The following CELA1 variants were observed in gnomAD, a reference collection of about 807,000 sequenced individuals.
CELA1 encodes chymotrypsin like elastase 1.
In CELA1, 28 loss-of-function variants were observed where a neutral mutation model predicts 34.8. The observed-to-expected ratio is 0.80, with a 90% CI of 0.60 to 1.10. The LOEUF (loss-of-function observed/expected upper bound fraction) is 1.10, where lower values mean the gene tolerates loss of function less well. Among genes scored for constraint, CELA1 ranks in the 50% least tolerant of loss-of-function variants. The pLI is 0.00. For missense variants in CELA1, 288 were observed against 327.5 expected, an observed-to-expected ratio of 0.88 and a Z score of 0.93; for synonymous variants, 140 against 129.8, an observed-to-expected ratio of 1.08 and a Z score of -0.53.
chr12:51,345,818 C>T lies in CELA1; in HGVS notation c.76G>A (p.Gly26Arg), dbSNP rs200914206. Residue 26 changes from glycine (G) to arginine (R), a missense_variant, in exon 2 of 8, where the codon GGG becomes AGG. Gly to Arg is a moderately radical substitution (Grantham distance 125). Coordinates refer to ENST00000293636, the MANE Select transcript of CELA1 (RefSeq NM_001971.6). Reference protein sequence around the residue: ...NARVVGGTEAGRNSWPSQISL... With the variant: ...NARVVGGTEARRNSWPSQISL... The stretch of plus-strand genomic sequence containing the variant: ...ACCTGAGAGGGCCAGGAATTCCTCC[C>T]GGCCTCAGTCCCTCCGACTACGCGG... 304 of 1,557,746 alleles carry T rather than the reference C, an allele frequency of 2.0e-4. 1 individual carries two copies. The East Asian group carries it at 2.3e-3, about 12-fold the overall frequency.
chr12:51,339,877 C>T lies in CELA1; in HGVS notation c.592G>A (p.Val198Ile), dbSNP rs373736581. 2.5e-6 allele frequency: 4 copies of T among 1,613,638 alleles called. No homozygotes were observed. Among genetic ancestry groups the T allele is most frequent in the Non-Finnish European group, 3.4e-6 (4 of 1,179,822 alleles). The stretch of plus-strand genomic sequence containing the variant: ...ATGTTCACCTGGCATCCAGAGCGAA[C>T]TCCATCTCCACCAGCACACACCATG... ...NTMVCAGGDGVRSGCQGDSGG... is the reference protein window; with the variant it reads ...NTMVCAGGDGIRSGCQGDSGG... The change falls in exon 6 of 8, where the codon GTT becomes ATT. Residue 198 changes from valine to isoleucine, a missense_variant. Physicochemically the swap from Val to Ile is conservative, Grantham distance 29 (BLOSUM62 3). Transcript: ENST00000293636.
chr12:51,329,771 G>T lies in CELA1; in HGVS notation c.672C>A (p.Thr224=). The T allele has an allele frequency of 2.5e-6, 4 of 1,613,946 alleles. No homozygotes were observed. The highest frequency in any genetic ancestry group is 3.4e-6 in the Non-Finnish European group (4 of 1,179,972). The change falls in exon 7 of 8, where the codon ACC becomes ACA. Residue 224 remains threonine, a synonymous_variant. Transcript: ENST00000293636. The stretch of plus-strand genomic sequence containing the variant: ...TACAGCCCCGGCTGGACACAAAGCT[G>T]GTCACTCCATGGACAGAATACTTGC... ...VNGKYSVHGV[T]SFVSSRGCNV...
chr12:51,329,668 A>G lies in CELA1; in HGVS notation c.759+16T>C, dbSNP rs746028977. 1.9e-6 allele frequency: 3 copies of G among 1,598,300 alleles called. No homozygotes were observed. Among genetic ancestry groups the G allele is most frequent in the East Asian group, 2.2e-5 (1 of 44,574 alleles). The stretch of plus-strand genomic sequence containing the variant: ...CCAGGTGACCCCATTTCAACCCATC[A>G]TTTGAGAGGACTCACATTATTTATC... On this transcript the variant is annotated intron_variant, in intron 7 of 7. Transcript: ENST00000293636.
At chr12:51,328,683 G>T in intron 7 of CELA1, 89 bp from the exon 8 acceptor site, 1 of 1,465,750 alleles carries the variant, frequency 6.8e-7, no homozygotes, top group Non-Finnish European at 9.6e-7. Context: ...GTATGGTTTT[G>T]TACTGGGTTT....
intron 5 of CELA1, among the ~76,000 whole-genome samples, chr12:51,340,258 C>T (rs1159619814): frequency 6.6e-6 from 1 of 152,154 alleles, no homozygotes; most frequent in Non-Finnish European, 1.5e-5. Flanking sequence ...CTTCTTTTCA[C>T]TCGTGGATAA....
intron 1 of CELA1, among the ~76,000 whole-genome samples, chr12:51,346,092 A>G (rs1038046947): frequency 5.9e-5 from 9 of 151,528 alleles, no homozygotes; most frequent in African/African-American, 2.2e-4. Context: ...TGTTCCCAGA[A>G]CTCCGGCATG....
chr12:51,344,430 C>T (rs555681607), intron 2 of CELA1, among the ~76,000 whole-genome samples: 2 of 152,334 alleles, frequency 1.3e-5, no homozygotes, highest in South Asian at 4.1e-4. Flanking sequence ...CCATGGCTCA[C>T]GCCTGTGATC....
At chr12:51,329,984 A>G (rs1946460533) in intron 6 of CELA1, 151 bp from the exon 7 acceptor site, 3 of 617,310 alleles carry the variant, frequency 4.9e-6, no homozygotes, top group Non-Finnish European at 5.4e-6. Flanking sequence ...AATCAAAATG[A>G]ATCTCTTCTT....
chr12:51,332,063 T>C (rs1337469287), intron 6 of CELA1, among the ~76,000 whole-genome samples: 3 of 151,958 alleles, frequency 2.0e-5, no homozygotes, highest in African/African-American at 7.3e-5. Flanking sequence ...CATGTGCCTG[T>C]AGTCCTGGCT....
rs1294182130 is a variant in CELA1, at chr12:51,339,869, A to G, written c.600T>C (p.Ser200=). The G allele has an allele frequency of 4.3e-6, 7 of 1,612,962 alleles. No individual in the cohort carries two copies. The highest frequency in any genetic ancestry group is 3.3e-5 in the Admixed American group (2 of 59,946). ...MVCAGGDGVR[S]GCQGDSGGPL... is the part of the protein sequence containing the mutation. ...CCCTGCAAATGTTCACCTGGCATCCAGAGCGAACTCCATCTCCACCAGCAC... is the reference window on the plus strand; with the variant it reads ...CCCTGCAAATGTTCACCTGGCATCCGGAGCGAACTCCATCTCCACCAGCAC... Residue 200 remains serine, a synonymous_variant, in exon 6 of 8, where the codon TCT becomes TCC. Transcript: ENST00000293636.
Position 51,344,761 on chromosome 12 carries a change from G to A in CELA1, c.100-908C>T, listed in dbSNP as rs770286473. ...CCATCACCTAAGCCCAACAGGCTTA[G>A]GTCTCCAGAGCTGTACCTTTAGTGT... On this transcript the variant is annotated intron_variant, in intron 2 of 7. Transcript: ENST00000293636. Among the ~76,000 whole-genome samples the A allele has an allele frequency of 2.6e-4, 39 of 152,246 alleles. 1 individual carries two copies. The highest frequency in any genetic ancestry group is 2.0e-4 in the Admixed American group (3 of 15,290).
rs559012380 is a variant in CELA1, at chr12:51,331,161, G to A, written c.610-1328C>T. ...TCCCAGCACTTTGGGAGGCTGAGGC[G>A]GGCGGATCACCTGAGGTCAGGAGTT... On this transcript the variant is annotated intron_variant, in intron 6 of 7. Transcript: ENST00000293636. Among the ~76,000 whole-genome samples, 424 of 151,836 alleles carry A rather than the reference G, an allele frequency of 2.8e-3. 3 individuals are homozygous for A. Among genetic ancestry groups the A allele is most frequent in the Middle Eastern group, 0.01 (3 of 292 alleles).
chr12:51,338,697 A>G (rs990712485), intron 6 of CELA1, among the ~76,000 whole-genome samples: 2 of 152,146 alleles, frequency 1.3e-5, no homozygotes, highest in African/African-American at 4.8e-5. Context: ...ACAATGTTCT[A>G]TTGTATGTCT....
At chr12:51,337,651 T>C (rs937656306) in intron 6 of CELA1, among the ~76,000 whole-genome samples, 1 of 151,574 alleles carries the variant, frequency 6.6e-6, no homozygotes, top group African/African-American at 2.4e-5. Context: ...ATATTCTTCA[T>C]GTGTCATGAC....
At position 51,341,381 on chromosome 12, in the gene CELA1, C is replaced by A. The variant is rs1052301365; in HGVS notation, c.327-1G>T. 6.2e-7 allele frequency: 1 copy of A among 1,614,098 alleles called. No homozygotes were observed. The highest frequency in any genetic ancestry group is 8.5e-7 in the Non-Finnish European group (1 of 1,180,010). ...CAGGCGCAGCAGGGCGATGTCATAGCTGCAGGAGAAAAGGAGACTGCTCAC... is the reference window on the plus strand; with the variant it reads ...CAGGCGCAGCAGGGCGATGTCATAGATGCAGGAGAAAAGGAGACTGCTCAC... On this transcript the variant is annotated splice_acceptor_variant, in intron 4 of 7. Coordinates refer to ENST00000293636, the MANE Select transcript of CELA1 (RefSeq NM_001971.6). LOFTEE classifies it high-confidence loss of function.
Position 51,345,790 on chromosome 12 carries a change from C to A in CELA1, c.99+5G>T. 1 of 1,553,206 alleles carries A rather than the reference C, an allele frequency of 6.4e-7. No individual in the cohort carries two copies. Among genetic ancestry groups the A allele is most frequent in the Non-Finnish European group, 8.7e-7 (1 of 1,147,110 alleles). On this transcript the variant is annotated splice_donor_5th_base_variant and intron_variant, in intron 2 of 7. Transcript: ENST00000293636. ...GGAAGTCTGGGGCTGGGAAGGAACA[C>A]CCACCTGAGAGGGCCAGGAATTCCT...
chr12:51,331,453 T>C (rs1946469343), intron 6 of CELA1, among the ~76,000 whole-genome samples: 1 of 152,134 alleles, frequency 6.6e-6, no homozygotes. Flanking sequence ...GGCATACTAC[T>C]AAACAACATT....
intron 5 of CELA1, among the ~76,000 whole-genome samples, chr12:51,340,419 C>T (rs1381547417): frequency 7.1e-5 from 8 of 113,440 alleles, no homozygotes; most frequent in Admixed American, 2.2e-4. Flanking sequence ...GATGGAGTTT[C>T]ACTCTTGTTG....
chr12:51,343,691 T>C (rs561491448), intron 3 of CELA1, 62 bp downstream of exon 3: 1 of 1,004,390 alleles, frequency 1.0e-6, no homozygotes, highest in East Asian at 2.5e-5. Context: ...TATATCCTCT[T>C]TCAGAAGGTC....
Sources: gnomAD v4.1 joint callset for allele counts (sites outside exome capture counted in the v4.1 genomes callset) on GRCh38, gnomAD v4.1.1 for gene constraint, MANE v1.5 for transcripts, NCBI Gene and HGNC (gene_info 2026-07-23, HGNC 2026-07-21) for gene names.